Variants in EVL observed in about 807,000 individuals in gnomAD.
The protein encoded by EVL is Enah/Vasp-like, also known as ena/VASP-like protein.
In EVL, 21 loss-of-function variants were observed where a neutral mutation model predicts 59.6. That is an observed-to-expected ratio of 0.35 (90% CI 0.25 to 0.51). EVL has a LOEUF of 0.51. Among genes scored for constraint, EVL ranks in the 20% least tolerant of loss-of-function variants. The pLI is 0.97. For synonymous variants in EVL, 198 were observed against 203.5 expected (o/e 0.97, Z 0.23); for missense variants, 462 against 546.6 (o/e 0.85, Z 1.54).
At chr14:99,984,495 TTTTAGA>T in intron 1 of EVL, among the ~76,000 whole-genome samples, 3 of 152,278 alleles carry the variant, frequency 2.0e-5, no homozygotes, top group Non-Finnish European at 4.4e-5. Flanking sequence ...TTTAGAACAG[TTTTAGA>T]TTTATAGAAA....
chr14:100,000,122 A>G (rs1232965037), intron 1 of EVL, among the ~76,000 whole-genome samples: 2 of 152,226 alleles, frequency 1.3e-5, no homozygotes, highest in East Asian at 1.9e-4. Context: ...TTGTTTTGCC[A>G]AGGTTGAGGA....
At chr14:100,008,819 G>A (rs749475706) in intron 1 of EVL, among the ~76,000 whole-genome samples, 7 of 152,136 alleles carry the variant, frequency 4.6e-5, no homozygotes, top group Non-Finnish European at 7.4e-5. Context: ...GTTGGGTGTT[G>A]GGGCTTTTTG....
At chr14:100,020,465 G>C (rs574704648) in intron 1 of EVL, among the ~76,000 whole-genome samples, 3,257 of 151,248 alleles carry the variant, frequency 0.022, 57 homozygotes, top group Admixed American at 0.054. Flanking sequence ...GGAAGAGAGT[G>C]TGTGTGTGTG....
chr14:99,974,343 G>A (rs1187019971), intron 1 of EVL: 1 of 152,372 alleles, frequency 6.6e-6, no homozygotes, highest in Non-Finnish European at 1.5e-5. Flanking sequence ...AATAGCCATA[G>A]CTGGAGCCTG....
At chr14:100,029,093 T>C (rs1317207780) in intron 1 of EVL, among the ~76,000 whole-genome samples, 1 of 152,270 alleles carries the variant, frequency 6.6e-6, no homozygotes, top group Admixed American at 6.5e-5. Context: ...AATCAGTTAA[T>C]GTTTAACAGA....
chr14:100,079,140 A>G (rs923278888), intron 1 of EVL, among the ~76,000 whole-genome samples: 1 of 152,206 alleles, frequency 6.6e-6, no homozygotes, highest in African/African-American at 2.4e-5. Flanking sequence ...CTTTAGAGGC[A>G]GCAGACAGGG....
intron 1 of EVL, among the ~76,000 whole-genome samples, chr14:100,042,818 C>G (rs74084459): frequency 0.053 from 8,074 of 152,224 alleles, 764 homozygotes; most frequent in African/African-American, 0.19. Context: ...GGGAATGCCT[C>G]TGAGATTTCT....
intron 1 of EVL, among the ~76,000 whole-genome samples, chr14:100,029,009 G>A (rs1256806769): frequency 6.6e-6 from 1 of 152,124 alleles, no homozygotes; most frequent in South Asian, 2.1e-4. Flanking sequence ...ATAATGTATA[G>A]GAAAGAAGTG....
At position 100,143,776 on chromosome 14, in the gene EVL, C is replaced by T. The variant is rs376229197; in HGVS notation, c.*38C>T. 87 of 1,604,238 alleles carry T rather than the reference C, an allele frequency of 5.4e-5. No homozygotes were observed. The Middle Eastern group carries it at 8.3e-4, about 15-fold the overall frequency. ...GCTGCGCTGATTCGTCGAGCCCATC[C>T]GGCGACAGAGGACAGCCAGAAGCCC... On this transcript the variant is annotated 3_prime_UTR_variant, in exon 14 of 14. Transcript: ENST00000392920.
intron 9 of EVL, 157 bp from the exon 10 acceptor site, chr14:100,137,421 G>A (rs1888868817): frequency 2.9e-6 from 2 of 694,690 alleles, no homozygotes; most frequent in African/African-American, 3.5e-5. Context: ...CTGAGAACAA[G>A]GTGCCAGGTT....
intron 1 of EVL, among the ~76,000 whole-genome samples, chr14:100,055,716 G>A (rs1785284250): frequency 1.3e-5 from 2 of 152,174 alleles, no homozygotes; most frequent in Admixed American, 6.5e-5. Context: ...TTTTAGAATT[G>A]TCTGTCTCTG....
At chr14:100,045,439 T>C (rs78879729) in intron 1 of EVL, among the ~76,000 whole-genome samples, 2 of 152,206 alleles carry the variant, frequency 1.3e-5, no homozygotes, top group Admixed American at 6.6e-5. Flanking sequence ...GTGTTTAGCA[T>C]GAGCAGGTCA....
intron 4 of EVL, among the ~76,000 whole-genome samples, chr14:100,125,253 TACACACACACAC>T (rs34556561): frequency 0.03 from 3,582 of 119,590 alleles, 81 homozygotes; most frequent in Non-Finnish European, 0.042. Context: ...AAGGCAGGAA[TACACACACACAC>T]ACACACACAC....
At chr14:100,105,532 G>A (rs1184803710) in intron 3 of EVL, among the ~76,000 whole-genome samples, 2 of 151,492 alleles carry the variant, frequency 1.3e-5, no homozygotes, top group South Asian at 2.1e-4. Context: ...TCAGGGTGCC[G>A]GGTAAGCTGT....
At chr14:99,990,542 C>T (rs749329335) in intron 1 of EVL, among the ~76,000 whole-genome samples, 12 of 152,050 alleles carry the variant, frequency 7.9e-5, no homozygotes, top group South Asian at 6.2e-4. Context: ...TTCTTCTTTC[C>T]GTTTCTATGA....
At chr14:100,068,064 G>T (rs897799489) in intron 1 of EVL, among the ~76,000 whole-genome samples, 2 of 152,200 alleles carry the variant, frequency 1.3e-5, no homozygotes, top group Non-Finnish European at 2.9e-5. Flanking sequence ...CAAACTGAGG[G>T]CAGAGTCGGG....
chr14:100,122,922 C>CT lies in EVL; in HGVS notation c.359-617_359-616insT, dbSNP rs976080030. Reference sequence around the variant, plus strand: ...CAGAAAGTTCCACACCAGTCTAGAACAAGGGGAGCAAGGGCAGGGTCTGGC... The same window carrying CT: ...CAGAAAGTTCCACACCAGTCTAGAACTAAGGGGAGCAAGGGCAGGGTCTGGC... On this transcript the variant is annotated intron_variant, in intron 3 of 13. Coordinates refer to ENST00000392920, the MANE Select transcript of EVL (RefSeq NM_016337.3). Among the ~76,000 whole-genome samples, 108 of 152,206 alleles carry CT rather than the reference C, an allele frequency of 7.1e-4. 13 individuals are homozygous for CT.
intron 1 of EVL, among the ~76,000 whole-genome samples, chr14:100,052,134 T>G (rs2061657602): frequency 6.6e-6 from 1 of 152,234 alleles, no homozygotes; most frequent in African/African-American, 2.4e-5. Flanking sequence ...ATCTGGTAGT[T>G]GGTTTTAAAA....
At chr14:99,974,440 G>C (rs1431130719) in intron 1 of EVL, 1 of 152,894 alleles carries the variant, frequency 6.5e-6, no homozygotes, top group African/African-American at 2.4e-5. Context: ...CCAGAGCTTG[G>C]GGATCAGATA....
Sources: gnomAD v4.1 joint callset for allele counts (sites outside exome capture counted in the v4.1 genomes callset) on GRCh38, gnomAD v4.1.1 for gene constraint, MANE v1.5 for transcripts, NCBI Gene and HGNC (gene_info 2026-07-23, HGNC 2026-07-21) for gene names.